HPCAL1: variants seen among roughly 807,000 people sequenced by gnomAD.
HPCAL1 encodes hippocalcin like 1.
HPCAL1 carries 8 observed loss-of-function variants against 17.1 expected under a neutral mutation model. That is an observed-to-expected ratio of 0.47 (90% CI 0.27 to 0.84). The LOEUF (loss-of-function observed/expected upper bound fraction) is 0.84, where lower values mean the gene tolerates loss of function less well. Ranked by LOEUF, HPCAL1 falls within the 40% of genes least tolerant of loss-of-function variation. HPCAL1 has a pLI of 0.13. For synonymous variants in HPCAL1, 112 were observed against 111.4 expected (o/e 1.01, Z -0.03); for missense variants, 165 against 271.1 (o/e 0.61, Z 2.75).
chr2:10,353,527 G>C (rs1665954451), intron 1 of HPCAL1, among the ~76,000 whole-genome samples: 1 of 152,164 alleles, frequency 6.6e-6, no homozygotes, highest in African/African-American at 2.4e-5. Context: ...GAAATGATCA[G>C]CTTTCCATGT....
At position 10,392,829 on chromosome 2, in the gene HPCAL1, G is replaced by T. The variant is rs576881191; in HGVS notation, c.-110-4006G>T. ...CCAGAGACTCGGAGAGGGGCCTAAG[G>T]CCTGACATGAACGAAGGGCTGGGGG... On this transcript the variant is annotated intron_variant, in intron 1 of 4. Coordinates refer to ENST00000307845, the MANE Select transcript of HPCAL1 (RefSeq NM_002149.4). Among the ~76,000 whole-genome samples the T allele has an allele frequency of 2.0e-5, 3 of 152,306 alleles. No individual in the cohort carries two copies. The South Asian group carries it at 6.2e-4, about 32-fold the overall frequency.
intron 1 of HPCAL1, among the ~76,000 whole-genome samples, chr2:10,347,346 G>A (rs115866541): frequency 3.9e-4 from 60 of 152,218 alleles, no homozygotes; most frequent in African/African-American, 1.4e-3. Context: ...TTCAGGGAAG[G>A]CCCATGTGCT....
rs1321382878 is a variant in HPCAL1 at position 10,359,914 on chromosome 2, C to CGCCCGCCGGGTCCACAGT, written c.-110-36904_-110-36903insTGCCCGCCGGGTCCACAG. On this transcript the variant is annotated intron_variant, in intron 1 of 4. Transcript: ENST00000307845. This position sits in a 1 kb window ranked among gnomAD's most constrained non-coding sequence, Gnocchi z 4.1. ...TCCACAGTGCCCGCCGGGTCCACAG[C>CGCCCGCCGGGTCCACAGT]GCCCGCCGGGTCCACAGCGCCCGCC... Among the ~76,000 whole-genome samples the CGCCCGCCGGGTCCACAGT allele has an allele frequency of 4.7e-5, 7 of 147,896 alleles. No individual in the cohort carries two copies. Among genetic ancestry groups the CGCCCGCCGGGTCCACAGT allele is most frequent in the African/African-American group, 1.8e-4 (7 of 38,402 alleles).
chr2:10,376,743 T>C (rs975801596), intron 1 of HPCAL1, among the ~76,000 whole-genome samples: 8 of 152,106 alleles, frequency 5.3e-5, no homozygotes, highest in Non-Finnish European at 1.0e-4. Flanking sequence ...AGCCTTTATA[T>C]CTCTTGACTG....
intron 1 of HPCAL1, among the ~76,000 whole-genome samples, chr2:10,376,575 A>G (rs1299653110): frequency 2.0e-5 from 3 of 151,928 alleles, no homozygotes; most frequent in African/African-American, 7.3e-5. Context: ...AGCTGGGATT[A>G]CAGGCGTGCA....
intron 2 of HPCAL1, among the ~76,000 whole-genome samples, chr2:10,399,470 C>A (rs1572818537): frequency 8.0e-6 from 1 of 125,528 alleles, no homozygotes; most frequent in Non-Finnish European, 1.8e-5. Flanking sequence ...CCACCATCAC[C>A]ATCATCACCA....
intron 2 of HPCAL1, among the ~76,000 whole-genome samples, chr2:10,412,654 A>G (rs1670425337): frequency 6.6e-6 from 1 of 152,220 alleles, no homozygotes; most frequent in African/African-American, 2.4e-5. Context: ...AGAAAAGGCA[A>G]TAGAGTAAGA....
intron 1 of HPCAL1, among the ~76,000 whole-genome samples, chr2:10,391,033 C>T (rs932478502): frequency 1.3e-5 from 2 of 152,198 alleles, no homozygotes; most frequent in African/African-American, 4.8e-5. Flanking sequence ...ACTGCCTACC[C>T]GATGCCCAGC....
rs1274098358 is a variant in HPCAL1, at chr2:10,365,716, C to T, written c.-110-31119C>T. ...CCCTCCTTCAGGCTCCCTACACCCACCTGAGTGGGCCTTTCTGTGTTCACT... is the reference window on the plus strand; with the variant it reads ...CCCTCCTTCAGGCTCCCTACACCCATCTGAGTGGGCCTTTCTGTGTTCACT... On this transcript the variant is annotated intron_variant, in intron 1 of 4. Transcript: ENST00000307845. This position sits in a 1 kb window ranked among gnomAD's most constrained non-coding sequence, Gnocchi z 4.8. Among the ~76,000 whole-genome samples, 6 of 152,174 alleles carry T rather than the reference C, an allele frequency of 3.9e-5. No homozygotes were observed. The highest frequency in any genetic ancestry group is 1.4e-4 in the African/African-American group (6 of 41,442).
At chr2:10,422,654 AC>A (rs776631991) in intron 3 of HPCAL1, among the ~76,000 whole-genome samples, 26 of 152,134 alleles carry the variant, frequency 1.7e-4, no homozygotes, top group Non-Finnish European at 3.7e-4. Context: ...GGAATTTCAC[AC>A]ATCTGTGACC....
At chr2:10,407,784 C>T (rs761425182) in intron 2 of HPCAL1, among the ~76,000 whole-genome samples, 9 of 152,322 alleles carry the variant, frequency 5.9e-5, no homozygotes, top group South Asian at 2.1e-4. Flanking sequence ...GGCTGGAACA[C>T]GCTGAGCAGC....
chr2:10,392,622 C>G (rs1265100108), intron 1 of HPCAL1, among the ~76,000 whole-genome samples: 1 of 152,152 alleles, frequency 6.6e-6, no homozygotes. Context: ...TTTACAAAAA[C>G]TTGATGAGCT....
rs1255678637 is a variant in HPCAL1 at position 10,304,763 on chromosome 2, C to G, written c.-111+1586C>G. On this transcript the variant is annotated intron_variant, in intron 1 of 4. Coordinates refer to ENST00000307845, the MANE Select transcript of HPCAL1 (RefSeq NM_002149.4). This position sits in a 1 kb window ranked among gnomAD's most constrained non-coding sequence, Gnocchi z 4.1. ...AGCGAAGGATATTCTTTCCCTTCAT[C>G]GCCTTGGTGTCTTTCTCTGGGGGAA... Among the ~76,000 whole-genome samples, 2 of 152,186 alleles carry G rather than the reference C, an allele frequency of 1.3e-5. No individual in the cohort carries two copies. The highest frequency in any genetic ancestry group is 4.8e-5 in the African/African-American group (2 of 41,438).
intron 1 of HPCAL1, among the ~76,000 whole-genome samples, chr2:10,349,164 C>T (rs10181190): frequency 0.19 from 29,577 of 152,036 alleles, 3,142 homozygotes; most frequent in African/African-American, 0.24. Flanking sequence ...TATTAACAGG[C>T]GGTAATGGAA....
Position 10,330,159 on chromosome 2 carries a change from C to G in HPCAL1, c.-111+26982C>G, listed in dbSNP as rs747450024. On this transcript the variant is annotated intron_variant, in intron 1 of 4. Transcript: ENST00000307845. This position sits in a 1 kb window ranked among gnomAD's most constrained non-coding sequence, Gnocchi z 4.2. ...AGAGATGCTTTCTTTTTCAGAGCGGCCTTTATGCTGTGTTCGGGGCTGTCT... is the reference window on the plus strand; with the variant it reads ...AGAGATGCTTTCTTTTTCAGAGCGGGCTTTATGCTGTGTTCGGGGCTGTCT... 23 of 151,764 alleles carry G rather than the reference C, an allele frequency of 1.5e-4. No homozygotes were observed. The highest frequency in any genetic ancestry group is 2.2e-4 in the Non-Finnish European group (15 of 68,024). 9.4% of individuals were successfully genotyped at this position (151,764 alleles called of 1,614,324 possible). A position where few individuals can be genotyped will look rare whatever the true frequency, so the allele number is the denominator to read the frequency against.
At chr2:10,333,592 C>T (rs530753102) in intron 1 of HPCAL1, among the ~76,000 whole-genome samples, 4 of 152,140 alleles carry the variant, frequency 2.6e-5, no homozygotes, top group African/African-American at 9.7e-5. Flanking sequence ...AGCTGGTGTG[C>T]TTTGGTGTTC....
chr2:10,424,608 T>C, intron 4 of HPCAL1: 1 of 471,068 alleles, frequency 2.1e-6, no homozygotes, highest in South Asian at 1.5e-5. Flanking sequence ...AGAGGGCATC[T>C]TCTAGGTTGG....
chr2:10,314,754 A>AT (rs1663200264), intron 1 of HPCAL1, among the ~76,000 whole-genome samples: 2 of 152,230 alleles, frequency 1.3e-5, no homozygotes, highest in African/African-American at 2.4e-5. Context: ...TATAGAGATA[A>AT]GTAATTGTAT....
rs113681847 is a variant in HPCAL1, at chr2:10,308,157, G to A, written c.-111+4980G>A. Among the ~76,000 whole-genome samples the A allele has an allele frequency of 4.9e-3, 750 of 152,230 alleles. 10 individuals are homozygous for A. Among genetic ancestry groups the A allele is most frequent in the African/African-American group, 0.017 (705 of 41,510 alleles). On this transcript the variant is annotated intron_variant, in intron 1 of 4. Transcript: ENST00000307845. ...CTAAGCTGATACCTGGGAGAGTTGG[G>A]GGTGCAGGGGAGGGGTTGGAGTTGG...
Sources: gnomAD v4.1 joint callset for allele counts (sites outside exome capture counted in the v4.1 genomes callset) on GRCh38, gnomAD v4.1.1 for gene constraint, Gnocchi (gnomAD v3.1) non-coding constraint, MANE v1.5 for transcripts, NCBI Gene and HGNC (gene_info 2026-07-23, HGNC 2026-07-21) for gene names.